SPIDR: variants seen among roughly 807,000 people sequenced by gnomAD.
SPIDR encodes scaffold protein involved in DNA repair.
In SPIDR, 93 loss-of-function variants were observed where a neutral mutation model predicts 104.6. The ratio of observed to expected loss-of-function variants is 0.89; its 90% CI spans 0.75 to 1.06. The LOEUF is 1.06. Ranked by LOEUF, SPIDR falls within the 50% of genes least tolerant of loss-of-function variation. The pLI is 0.00. For missense variants in SPIDR, 1,154 were observed against 1,111.2 expected, an observed-to-expected ratio of 1.04 and a Z score of -0.55; for synonymous variants, 431 against 416.9, an observed-to-expected ratio of 1.03 and a Z score of -0.41.
At chr8:47,614,801 T>C (rs2064076483) in intron 10 of SPIDR, among the ~76,000 whole-genome samples, 1 of 152,170 alleles carries the variant, frequency 6.6e-6, no homozygotes, top group South Asian at 2.1e-4. Flanking sequence ...GTTAAACTAA[T>C]TTATATTCCC....
At chr8:47,504,064 A>C (rs535847994) in intron 8 of SPIDR, among the ~76,000 whole-genome samples, 2 of 152,238 alleles carry the variant, frequency 1.3e-5, no homozygotes, top group East Asian at 3.9e-4. Context: ...GGGTGCTGTT[A>C]ACGTTTTTTC....
At chr8:47,555,177 A>G (rs1197501425) in intron 8 of SPIDR, among the ~76,000 whole-genome samples, 1 of 152,166 alleles carries the variant, frequency 6.6e-6, no homozygotes, top group African/African-American at 2.4e-5. Context: ...CAAAGGGTAG[A>G]TTTTAGAAGC....
chr8:47,401,909 A>G (rs1307857570), intron 6 of SPIDR, among the ~76,000 whole-genome samples: 1 of 152,200 alleles, frequency 6.6e-6, no homozygotes, highest in Non-Finnish European at 1.5e-5. Flanking sequence ...CCCACTGTCA[A>G]CATTAGACAG....
intron 1 of SPIDR, among the ~76,000 whole-genome samples, chr8:47,270,694 G>C (rs2035127882): frequency 6.6e-6 from 1 of 151,924 alleles, no homozygotes; most frequent in Admixed American, 6.6e-5. Flanking sequence ...TTTAAATGTA[G>C]TCATTTACAG....
intron 16 of SPIDR, among the ~76,000 whole-genome samples, chr8:47,715,588 T>G (rs2154489891): frequency 6.6e-6 from 1 of 152,364 alleles, no homozygotes; most frequent in East Asian, 1.9e-4. Context: ...TGCACAAACC[T>G]AACATACTAT....
intron 8 of SPIDR, among the ~76,000 whole-genome samples, chr8:47,520,684 A>G (rs992401519): frequency 1.1e-4 from 16 of 152,180 alleles, no homozygotes; most frequent in African/African-American, 3.1e-4. Context: ...GAAGGGAGGT[A>G]TTACTGTAAA....
At chr8:47,432,007 G>A (rs1418407697) in intron 7 of SPIDR, among the ~76,000 whole-genome samples, 3 of 152,198 alleles carry the variant, frequency 2.0e-5, no homozygotes, top group Admixed American at 6.5e-5. Flanking sequence ...TTATCCTGAA[G>A]TTATCTGTGA....
chr8:47,639,243 C>A (rs541787958), intron 10 of SPIDR, among the ~76,000 whole-genome samples: 1 of 152,164 alleles, frequency 6.6e-6, no homozygotes, highest in Non-Finnish European at 1.5e-5. Flanking sequence ...GTATGTGTGG[C>A]TCCCATGGAG....
At chr8:47,657,959 G>A (rs2073163079) in intron 10 of SPIDR, among the ~76,000 whole-genome samples, 1 of 146,572 alleles carries the variant, frequency 6.8e-6, no homozygotes, top group South Asian at 2.1e-4. Flanking sequence ...GAGCCCAGGA[G>A]GTTGAGGCTG....
At chr8:47,713,420 G>A in intron 15 of SPIDR, 69 bp from the exon 16 acceptor site, 3 of 1,604,368 alleles carry the variant, frequency 1.9e-6, no homozygotes. Flanking sequence ...TAGCAAAGGA[G>A]ACTGCCATTA....
intron 5 of SPIDR, among the ~76,000 whole-genome samples, chr8:47,317,401 G>C (rs1461395457): frequency 1.3e-5 from 2 of 152,092 alleles, no homozygotes; most frequent in African/African-American, 2.4e-5. Flanking sequence ...AGCGAGGCTG[G>C]GGGAGGGGCG....
At chr8:47,433,170 C>A (rs117084697) in intron 7 of SPIDR, among the ~76,000 whole-genome samples, 4 of 152,230 alleles carry the variant, frequency 2.6e-5, no homozygotes, top group African/African-American at 7.2e-5. Context: ...TTAACAAGTT[C>A]TATTGGCTCT....
chr8:47,564,260 G>A (rs559454597), intron 8 of SPIDR, among the ~76,000 whole-genome samples: 119 of 151,690 alleles, frequency 7.8e-4, no homozygotes, highest in Middle Eastern at 3.4e-3. Context: ...TATATTATTA[G>A]TAGAGACCGG....
chr8:47,430,683 T>C (rs571038281), intron 7 of SPIDR, among the ~76,000 whole-genome samples: 9 of 152,306 alleles, frequency 5.9e-5, no homozygotes, highest in Non-Finnish European at 1.0e-4. Flanking sequence ...TATTTTAACA[T>C]TGGATTCTTG....
intron 5 of SPIDR, among the ~76,000 whole-genome samples, chr8:47,335,575 C>T (rs1162776824): frequency 6.6e-6 from 1 of 152,100 alleles, no homozygotes; most frequent in African/African-American, 2.4e-5. Flanking sequence ...CTCAGCCTCC[C>T]GAGTAGCTAG....
intron 11 of SPIDR, among the ~76,000 whole-genome samples, chr8:47,688,872 G>T (rs1309929156): frequency 2.4e-4 from 37 of 151,986 alleles, no homozygotes; most frequent in Admixed American, 2.4e-3. Context: ...CTTTTTTCTG[G>T]CCTGCATTTT....
intron 1 of SPIDR, among the ~76,000 whole-genome samples, chr8:47,263,624 A>T (rs1274456400): frequency 1.3e-5 from 2 of 152,076 alleles, no homozygotes; most frequent in East Asian, 3.9e-4. Context: ...CGGCCATGAA[A>T]TCTTAATCAT....
chr8:47,437,348 G>GT (rs1470492710), intron 7 of SPIDR, among the ~76,000 whole-genome samples: 5 of 150,778 alleles, frequency 3.3e-5, no homozygotes, highest in Non-Finnish European at 7.4e-5. Flanking sequence ...GTGGTGTTTG[G>GT]TTTTTTGTTC....
At chr8:47,524,168 T>C (rs2084623714) in intron 8 of SPIDR, among the ~76,000 whole-genome samples, 1 of 152,230 alleles carries the variant, frequency 6.6e-6, no homozygotes, top group Non-Finnish European at 1.5e-5. Context: ...ATTGTTTATC[T>C]GAAATTTACA....
Sources: gnomAD v4.1 joint callset for allele counts (sites outside exome capture counted in the v4.1 genomes callset) on GRCh38, gnomAD v4.1.1 for gene constraint, MANE v1.5 for transcripts, NCBI Gene and HGNC (gene_info 2026-07-23, HGNC 2026-07-21) for gene names.